Variants in SLC3A2 observed in about 807,000 individuals in gnomAD.
The protein encoded by SLC3A2 is solute carrier family 3 member 2.
Under a neutral mutation model 48.5 loss-of-function variants are expected in SLC3A2, and 32 were observed. That is an observed-to-expected ratio of 0.66 (90% CI 0.50 to 0.89). The LOEUF is 0.89. Among genes scored for constraint, SLC3A2 ranks in the 40% least tolerant of loss-of-function variants. The pLI is 0.00. For missense variants in SLC3A2, 587 were observed against 680.7 expected (o/e 0.86, Z 1.53); for synonymous variants, 277 against 288.8 (o/e 0.96, Z 0.41).
chr11:62,856,969 A>C (rs1339487073), intron 1 of SLC3A2, among the ~76,000 whole-genome samples: 1 of 146,200 alleles, frequency 6.8e-6, no homozygotes, highest in South Asian at 2.2e-4. Flanking sequence ...GATTACAGGC[A>C]TGCGCCACTG....
chr11:62,861,910 CAAAAAAAAAAA>C (rs1189861840), intron 1 of SLC3A2, among the ~76,000 whole-genome samples: 2,801 of 59,208 alleles, frequency 0.047, 111 homozygotes, highest in African/African-American at 0.14. Flanking sequence ...AAACCTCTCT[CAAAAAAAAAAA>C]AAAAAAAAAA....
chr11:62,876,020 C>G (rs1209782081), upstream of SLC3A2, among the ~76,000 whole-genome samples: 5 of 152,142 alleles, frequency 3.3e-5, no homozygotes, highest in East Asian at 9.6e-4. Context: ...GGTGAGCCAC[C>G]ATGCCTGGCT....
At chr11:62,884,334 A>G in intron 3 of SLC3A2, 123 bp from the exon 4 acceptor site, 1 of 1,008,134 alleles carries the variant, frequency 9.9e-7, no homozygotes, top group Non-Finnish European at 1.5e-6. Context: ...GACCCAGGCA[A>G]GGCACAGGAC....
chr11:62,884,433 C>T, intron 3 of SLC3A2, 24 bp from the exon 4 acceptor site: 1 of 1,613,846 alleles, frequency 6.2e-7, no homozygotes, highest in Non-Finnish European at 8.5e-7. Context: ...TGATGTCTGT[C>T]CTTTATTCTT....
chr11:62,883,874 A>T, intron 3 of SLC3A2: 1 of 419,376 alleles, frequency 2.4e-6, no homozygotes, highest in Admixed American at 2.6e-5. Context: ...CCAGGATTCC[A>T]TTCAGCAGCA....
rs571376918 is a variant in SLC3A2 at position 62,870,285 on chromosome 11, T to A, written c.113-10734T>A. Among the ~76,000 whole-genome samples the A allele has an allele frequency of 1.9e-3, 287 of 151,918 alleles. 2 individuals carry two copies. The highest frequency in any genetic ancestry group is 6.6e-3 in the African/African-American group (272 of 41,438). ...CAACCTCTGCCTCCCAGGTTCAAGCTATTCTCCTGCCTCAGCCTCCCAGGT... is the reference window on the plus strand; with the variant it reads ...CAACCTCTGCCTCCCAGGTTCAAGCAATTCTCCTGCCTCAGCCTCCCAGGT... On this transcript the variant is annotated intron_variant, in intron 1 of 9. Transcript: ENST00000377889.
chr11:62,882,018 G>A lies in SLC3A2; in HGVS notation c.550G>A (p.Gly184Ser). 1 of 1,614,166 alleles carries A rather than the reference G, an allele frequency of 6.2e-7. No homozygotes were observed. The highest frequency in any genetic ancestry group is 8.5e-7 in the Non-Finnish European group (1 of 1,180,032). Residue 184 changes from glycine (G) to serine (S), a missense_variant, in exon 2 of 9, where the codon GGC becomes AGC. Transcript: ENST00000338663. ...CTTGCTGCAGATCGACCCCAATTTT[G>A]GCTCCAAGGAAGATTTTGACAGTCT... ...TDLLQIDPNFGSKEDFDSLLQ... is the reference protein window; with the variant it reads ...TDLLQIDPNFSSKEDFDSLLQ...
intron 1 of SLC3A2, among the ~76,000 whole-genome samples, chr11:62,869,875 C>T (rs565059243): frequency 2.0e-5 from 3 of 151,356 alleles, no homozygotes; most frequent in Admixed American, 1.3e-4. Flanking sequence ...CTCTGCCTCC[C>T]GGGTTCAAGC....
chr11:62,871,603 G>T, intron 1 of SLC3A2: 1 of 656,396 alleles, frequency 1.5e-6, no homozygotes, highest in Non-Finnish European at 2.8e-6. Context: ...TGTTACCCAG[G>T]CTGGTCTTCA....
chr11:62,869,523 C>CAA lies in SLC3A2; in HGVS notation c.113-11474_113-11473dup, dbSNP rs57962693. Among the ~76,000 whole-genome samples, 270 of 53,684 alleles carry CAA rather than the reference C, an allele frequency of 5.0e-3. 4 individuals carry two copies. The highest frequency in any genetic ancestry group is 0.013 in the Middle Eastern group (1 of 76). The allele number at this position is 53,684 out of a possible 152,430, so 35.2% of individuals were successfully genotyped here. A position where few individuals can be genotyped will look rare whatever the true frequency, so the allele number is the denominator to read the frequency against. On this transcript the variant is annotated intron_variant, in intron 1 of 9. Coordinates refer to the SLC3A2 transcript ENST00000377889. Reference sequence around the variant, plus strand: ...TGGGTGATAGAGCGAGACTCCATCTCAAAAAAAAAAAAAAAAAAAAAAAGA... The same window carrying CAA: ...TGGGTGATAGAGCGAGACTCCATCTCAAAAAAAAAAAAAAAAAAAAAAAAAGA...
rs2957168 is a variant in SLC3A2, at chr11:62,873,503, A to T, written c.113-7516A>T. 2.8e-4 allele frequency among the ~76,000 whole-genome samples: 43 copies of T among 151,656 alleles called. No homozygotes were observed. In the South Asian group the frequency reaches 5.2e-3, roughly 18 times the overall value. The stretch of plus-strand genomic sequence containing the variant: ...AACTCTGTCTCAAAAAAAAAAAAAA[A>T]TTTTGTACAGACAAGGTCTCACTAT... On this transcript the variant is annotated intron_variant, in intron 1 of 9. Coordinates refer to the SLC3A2 transcript ENST00000377889.
intron 3 of SLC3A2, 192 bp from the exon 4 acceptor site, chr11:62,884,265 A>C: frequency 1.5e-5 from 9 of 619,488 alleles, no homozygotes; most frequent in Non-Finnish European, 2.6e-5. Flanking sequence ...TAAGAAAATG[A>C]GTGGAAGGGT....
intron 1 of SLC3A2, among the ~76,000 whole-genome samples, chr11:62,870,327 G>A (rs2134987939): frequency 6.6e-6 from 1 of 151,702 alleles, no homozygotes; most frequent in East Asian, 1.9e-4. Flanking sequence ...GACTACAGGT[G>A]TGCGTCACCA....
chr11:62,860,324 A>G (rs2085385724), intron 1 of SLC3A2, among the ~76,000 whole-genome samples: 1 of 151,546 alleles, frequency 6.6e-6, no homozygotes, highest in Non-Finnish European at 1.5e-5. Flanking sequence ...ACATGGTGAA[A>G]CCCCGTCTCT....
At chr11:62,884,732 G>A (rs747629625) in intron 5 of SLC3A2, 42 bp downstream of exon 5, 5 of 1,535,076 alleles carry the variant, frequency 3.3e-6, no homozygotes, top group Non-Finnish European at 4.4e-6. Context: ...TCCAATGTGG[G>A]AACCCCTCAG....
At chr11:62,880,702 T>A (rs1056320210), upstream of SLC3A2, 3 of 275,156 alleles carry the variant, frequency 1.1e-5, no homozygotes, top group Admixed American at 1.5e-4. Flanking sequence ...CAGAATCAGG[T>A]TGAAAAGAAC....
chr11:62,861,910 C>T (rs1476893932), intron 1 of SLC3A2, among the ~76,000 whole-genome samples: 1 of 59,166 alleles, frequency 1.7e-5, no homozygotes, highest in South Asian at 5.7e-4. Context: ...AAACCTCTCT[C>T]AAAAAAAAAA....
At chr11:62,879,761 G>A (rs933336981), upstream of SLC3A2, among the ~76,000 whole-genome samples, 4 of 152,254 alleles carry the variant, frequency 2.6e-5, no homozygotes, top group Non-Finnish European at 4.4e-5. Context: ...AGCCCAACTG[G>A]CACTGTTTAG....
At position 62,867,282 on chromosome 11, in the gene SLC3A2, G is replaced by A. The variant is rs1436622441; in HGVS notation, c.112+10901G>A. On this transcript the variant is annotated intron_variant, in intron 1 of 9. Coordinates refer to the SLC3A2 transcript ENST00000377889. ...GCTGGGATTACAGGTGTGAGCCACC[G>A]TGCCTGGCCTATTTCCCTTTATTCT... is the stretch of plus-strand genomic sequence containing the variant. Among the ~76,000 whole-genome samples the A allele has an allele frequency of 1.7e-4, 26 of 149,186 alleles. 1 individual carries two copies. The highest frequency in any genetic ancestry group is 1.1e-3 in the Admixed American group (17 of 14,896).
Sources: allele counts gnomAD v4.1 joint callset (sites outside exome capture counted in the v4.1 genomes callset), GRCh38; gene constraint gnomAD v4.1.1; transcripts MANE v1.5; gene names NCBI Gene and HGNC (gene_info 2026-07-23, HGNC 2026-07-21).